The following TANC1 variants were observed in gnomAD, a reference collection of about 807,000 sequenced individuals.
TANC1 encodes protein TANC1.
Under a neutral mutation model 149.7 loss-of-function variants are expected in TANC1, and 77 were observed. The observed-to-expected ratio is 0.51, with a 90% CI of 0.43 to 0.62. TANC1 has a LOEUF of 0.62. Among genes scored for constraint, TANC1 ranks in the 20% least tolerant of loss-of-function variants. The pLI is 0.00. For missense variants in TANC1, 1,985 were observed against 2,321.8 expected (o/e 0.85, Z 2.98); for synonymous variants, 854 against 925.0 (o/e 0.92, Z 1.39).
At position 159,105,185 on chromosome 2, in the gene TANC1, G is replaced by A. The variant is rs383145; in HGVS notation, c.259+7351G>A. 3.2e-3 allele frequency among the ~76,000 whole-genome samples: 465 copies of A among 147,198 alleles called. 2 individuals are homozygous for A. Among genetic ancestry groups the A allele is most frequent in the African/African-American group, 0.011 (429 of 38,312 alleles). On this transcript the variant is annotated intron_variant, in intron 4 of 26. Transcript: ENST00000263635. ...AATTTTTTGTATTTTTAGTAGAGAC[G>A]GGGTTTCACCGTGTTAGCCAGGATG...
chr2:159,178,414 C>T (rs945319258), intron 13 of TANC1, 142 bp from the exon 14 acceptor site: 7 of 963,454 alleles, frequency 7.3e-6, no homozygotes, highest in South Asian at 5.5e-5. Flanking sequence ...TCCTATTACA[C>T]GTTTTAATAC....
chr2:159,015,281 G>A (rs1263866593), intron 2 of TANC1, among the ~76,000 whole-genome samples: 1 of 152,182 alleles, frequency 6.6e-6, no homozygotes, highest in African/African-American at 2.4e-5. Flanking sequence ...TACCCTCTGA[G>A]GCCACAGTCC....
chr2:159,231,304 T>C lies in TANC1; in HGVS notation c.*292T>C, dbSNP rs6720840. Reference sequence around the variant, plus strand: ...AAATTGTTTGGCTTTTGCCACTTTCTTCCTTGCCTTTGCTATATGGTAGAA... The same window carrying C: ...AAATTGTTTGGCTTTTGCCACTTTCCTCCTTGCCTTTGCTATATGGTAGAA... On this transcript the variant is annotated 3_prime_UTR_variant, in exon 27 of 27. Transcript: ENST00000263635. The C allele has an allele frequency of 0.83, 230,758 of 278,026 alleles. 96,983 individuals carry two copies. The highest frequency in any genetic ancestry group is 0.89 in the Non-Finnish European group (131,795 of 147,848). 17.2% of individuals were successfully genotyped at this position (278,026 alleles called of 1,614,324 possible).
At chr2:158,972,133 T>A (rs2032975458) in intron 1 of TANC1, among the ~76,000 whole-genome samples, 1 of 152,224 alleles carries the variant, frequency 6.6e-6, no homozygotes, top group African/African-American at 2.4e-5. Flanking sequence ...AAACTAATCA[T>A]TTGTTTATTT....
At position 159,136,047 on chromosome 2, in the gene TANC1, T is replaced by TGTGTGTGCGCGC. The variant is rs1457762905; in HGVS notation, c.260-144_260-143insTGTGCGCGCGTG. 30 of 211,278 alleles carry TGTGTGTGCGCGC rather than the reference T, an allele frequency of 1.4e-4. 3 individuals are homozygous for TGTGTGTGCGCGC. Among genetic ancestry groups the TGTGTGTGCGCGC allele is most frequent in the South Asian group, 6.0e-4 (16 of 26,738 alleles). The allele number at this position is 211,278 out of a possible 1,614,324, so 13.1% of individuals were successfully genotyped here. A position where few individuals can be genotyped will look rare whatever the true frequency, so the allele number is the denominator to read the frequency against. ...GTGTGTGTGTGTGTGTGTGTGTGTG[T>TGTGTGTGCGCGC]GTGCGCGCGCGCGCGTTTAAGGGAG... On this transcript the variant is annotated intron_variant, in intron 4 of 26. Transcript: ENST00000263635.
intron 4 of TANC1, among the ~76,000 whole-genome samples, chr2:159,125,003 A>G (rs890399335): frequency 6.6e-6 from 1 of 152,170 alleles, no homozygotes; most frequent in East Asian, 1.9e-4. Flanking sequence ...TCAGCCTCAC[A>G]AAGTGCTGGG....
intron 14 of TANC1, 52 bp from the exon 15 acceptor site, chr2:159,185,739 G>T: frequency 4.7e-6 from 6 of 1,269,620 alleles, no homozygotes; most frequent in Middle Eastern, 3.7e-4. Flanking sequence ...GTGGGTCTGC[G>T]GTGTGGTGGA....
At chr2:158,992,810 G>C (rs533353487) in intron 1 of TANC1, among the ~76,000 whole-genome samples, 1 of 151,400 alleles carries the variant, frequency 6.6e-6, no homozygotes, top group East Asian at 1.9e-4. Flanking sequence ...ATGAGCCACC[G>C]CTCCCGGACT....
chr2:159,230,026 G>C lies in TANC1; in HGVS notation c.4600G>C (p.Val1534Leu), dbSNP rs777063475. 3 of 1,613,956 alleles carry C rather than the reference G, an allele frequency of 1.9e-6. No individual in the cohort carries two copies. Among genetic ancestry groups the C allele is most frequent in the African/African-American group, 1.3e-5 (1 of 74,940 alleles). ...LLQPSKQAQI[V>L]KTSQHLGSGQ... is the part of the protein sequence containing the mutation. Reference sequence around the variant, plus strand: ...GCAGCCCTCCAAGCAGGCCCAGATCGTGAAAACCAGCCAGCACCTGGGCTC... The same window carrying C: ...GCAGCCCTCCAAGCAGGCCCAGATCCTGAAAACCAGCCAGCACCTGGGCTC... Residue 1534 changes from valine to leucine, a missense_variant, in exon 27 of 27, where the codon GTG (valine) becomes CTG (leucine). Physicochemically the swap from Val to Leu is conservative, Grantham distance 32. Coordinates refer to ENST00000263635, the MANE Select transcript of TANC1 (RefSeq NM_033394.3). The surrounding 1 kb of genome is among the most constrained non-coding windows in gnomAD (Gnocchi z 4.4).
At chr2:159,059,514 C>T (rs1327661731) in intron 2 of TANC1, among the ~76,000 whole-genome samples, 3 of 128,832 alleles carry the variant, frequency 2.3e-5, no homozygotes, top group Admixed American at 8.2e-5. Flanking sequence ...TAAAAAAAAC[C>T]AAATATATAA....
intron 4 of TANC1, among the ~76,000 whole-genome samples, chr2:159,106,705 C>T (rs2047218070): frequency 6.6e-6 from 1 of 152,154 alleles, no homozygotes; most frequent in African/African-American, 2.4e-5. Context: ...ATTGTTGAAT[C>T]ATATGGTAGT....
intron 2 of TANC1, among the ~76,000 whole-genome samples, chr2:159,046,045 A>T (rs1168969510): frequency 6.6e-6 from 1 of 152,200 alleles, no homozygotes; most frequent in African/African-American, 2.4e-5. Flanking sequence ...TTGAAATAGC[A>T]ATTTAAGTGT....
At chr2:159,130,437 G>T (rs1222640919) in intron 4 of TANC1, among the ~76,000 whole-genome samples, 1 of 152,194 alleles carries the variant, frequency 6.6e-6, no homozygotes, top group African/African-American at 2.4e-5. Context: ...GGATTTTTCA[G>T]TCTGGATCTC....
At chr2:159,155,903 A>AG (rs908894876) in intron 7 of TANC1, among the ~76,000 whole-genome samples, 6 of 152,114 alleles carry the variant, frequency 3.9e-5, no homozygotes, top group Non-Finnish European at 8.8e-5. Flanking sequence ...TTAAAAAAAA[A>AG]TTATCATGGG....
chr2:159,187,762 C>G (rs1347313709), intron 16 of TANC1, among the ~76,000 whole-genome samples: 1 of 152,206 alleles, frequency 6.6e-6, no homozygotes, highest in East Asian at 1.9e-4. Context: ...CACATTGTTT[C>G]ATCTTTCATT....
intron 16 of TANC1, 28 bp downstream of exon 16, chr2:159,187,052 G>A: frequency 6.2e-7 from 1 of 1,612,462 alleles, no homozygotes; most frequent in Non-Finnish European, 8.5e-7. Flanking sequence ...CAGAGAGCCG[G>A]AGACCCAGCC....
intron 2 of TANC1, among the ~76,000 whole-genome samples, chr2:159,052,488 C>T (rs1437619853): frequency 6.6e-6 from 1 of 152,180 alleles, no homozygotes; most frequent in African/African-American, 2.4e-5. Flanking sequence ...TAAGAAGGCA[C>T]TCCCCAGAAG....
At chr2:159,179,908 C>T (rs538039409) in intron 14 of TANC1, among the ~76,000 whole-genome samples, 1 of 152,152 alleles carries the variant, frequency 6.6e-6, no homozygotes, top group East Asian at 1.9e-4. Context: ...TCCACTTGGC[C>T]CTGGCTTTGG....
chr2:159,125,394 C>T (rs2049331736), intron 4 of TANC1, among the ~76,000 whole-genome samples: 2 of 152,196 alleles, frequency 1.3e-5, no homozygotes, highest in South Asian at 2.1e-4. Context: ...TCTCACAATT[C>T]TTTAGGACAG....
Sources: gnomAD v4.1 joint callset for allele counts (sites outside exome capture counted in the v4.1 genomes callset) on GRCh38, gnomAD v4.1.1 for gene constraint, Gnocchi (gnomAD v3.1) non-coding constraint, MANE v1.5 for transcripts, NCBI Gene and HGNC (gene_info 2026-07-23, HGNC 2026-07-21) for gene names.